Variants in HORMAD2 observed in about 807,000 individuals in gnomAD.
The protein encoded by HORMAD2 is HORMA domain containing 2, also known as HORMA domain-containing protein 2.
HORMAD2 carries 45 observed loss-of-function variants against 38.8 expected under a neutral mutation model. The observed-to-expected ratio is 1.16, with a 90% CI of 0.91 to 1.49. HORMAD2 has a LOEUF of 1.49. Among genes scored for constraint, HORMAD2 ranks in the 40% most tolerant of loss-of-function variants. The pLI, the probability that HORMAD2 is intolerant of heterozygous loss-of-function variation, is 0.00. For missense variants in HORMAD2, 338 were observed against 367.0 expected (o/e 0.92, Z 0.65); for synonymous variants, 126 against 122.8 (o/e 1.03, Z -0.17).
chr22:30,131,891 T>C (rs986066976), intron 10 of HORMAD2, among the ~76,000 whole-genome samples: 2 of 152,262 alleles, frequency 1.3e-5, no homozygotes, highest in Non-Finnish European at 2.9e-5. Context: ...GCTCATTTCT[T>C]TTGTGCCAAC....
chr22:30,187,455 GA>G, the HORMAD2 span, among the ~76,000 whole-genome samples: 2 of 151,346 alleles, frequency 1.3e-5, no homozygotes, highest in African/African-American at 4.9e-5. Flanking sequence ...GCACAAAGAA[GA>G]AAAAAATTAC....
intron 1 of HORMAD2, among the ~76,000 whole-genome samples, chr22:30,089,453 C>T (rs1356278766): frequency 6.6e-6 from 1 of 151,408 alleles, no homozygotes; most frequent in Non-Finnish European, 1.5e-5. Flanking sequence ...CCCGGGTTCA[C>T]GCCGTTCTCC....
chr22:30,194,103 T>C, the HORMAD2 span, among the ~76,000 whole-genome samples: 1 of 152,158 alleles, frequency 6.6e-6, no homozygotes, highest in African/African-American at 2.4e-5. Context: ...AGAAAAAAGA[T>C]TCTATATTCT....
chr22:30,156,614 T>C (rs1569114311), intron 10 of HORMAD2, among the ~76,000 whole-genome samples: 1 of 152,234 alleles, frequency 6.6e-6, no homozygotes, highest in Non-Finnish European at 1.5e-5. Flanking sequence ...TGGATCAAAA[T>C]TAATTGTATC....
intron 2 of HORMAD2, among the ~76,000 whole-genome samples, chr22:30,095,669 G>A (rs2068769139): frequency 6.6e-6 from 1 of 152,128 alleles, no homozygotes; most frequent in Non-Finnish European, 1.5e-5. Context: ...TACCTAGAAT[G>A]TAGTAAGATT....
intron 4 of HORMAD2, 92 bp downstream of exon 4, chr22:30,103,592 T>TA: frequency 5.1e-6 from 3 of 585,906 alleles, no homozygotes; most frequent in Non-Finnish European, 9.0e-6. Flanking sequence ...GATCATTTTT[T>TA]AAAAAACCAT....
intron 10 of HORMAD2, among the ~76,000 whole-genome samples, chr22:30,174,118 G>A (rs763198058): frequency 2.6e-5 from 4 of 152,134 alleles, no homozygotes; most frequent in East Asian, 1.9e-4. Flanking sequence ...TCATAGTAGC[G>A]TCTTGTTAGT....
intron 2 of HORMAD2, among the ~76,000 whole-genome samples, chr22:30,094,404 A>T (rs1008789318): frequency 1.3e-5 from 2 of 152,196 alleles, no homozygotes; most frequent in African/African-American, 4.8e-5. Context: ...GGATGCTAGG[A>T]GGTCTAGGGG....
chr22:30,172,282 T>C (rs2123740604), intron 10 of HORMAD2, among the ~76,000 whole-genome samples: 1 of 152,218 alleles, frequency 6.6e-6, no homozygotes, highest in Admixed American at 6.5e-5. Flanking sequence ...CACTGATAGG[T>C]CCCAAACACC....
chr22:30,083,105 C>T (rs2068513610), intron 1 of HORMAD2, among the ~76,000 whole-genome samples: 1 of 152,104 alleles, frequency 6.6e-6, no homozygotes, highest in South Asian at 2.1e-4. Context: ...CTCATCTCTA[C>T]CAAAAATAAA....
At chr22:30,130,307 G>T (rs551048074) in intron 10 of HORMAD2, among the ~76,000 whole-genome samples, 14 of 152,238 alleles carry the variant, frequency 9.2e-5, no homozygotes, top group African/African-American at 3.4e-4. Flanking sequence ...TTTCTGGTGT[G>T]ATTCTTAAGA....
chr22:30,102,674 G>C (rs894445891), intron 3 of HORMAD2, among the ~76,000 whole-genome samples: 1 of 152,182 alleles, frequency 6.6e-6, no homozygotes, highest in African/African-American at 2.4e-5. Flanking sequence ...GTCCGGGCTG[G>C]AGTGTGGCGG....
chr22:30,108,099 C>T (rs905325159), intron 5 of HORMAD2, among the ~76,000 whole-genome samples: 1 of 151,842 alleles, frequency 6.6e-6, no homozygotes, highest in Non-Finnish European at 1.5e-5. Context: ...TTATTTTGTA[C>T]TTTATATTAT....
intron 10 of HORMAD2, among the ~76,000 whole-genome samples, chr22:30,160,687 A>T (rs1475280669): frequency 6.6e-6 from 1 of 152,216 alleles, no homozygotes; most frequent in African/African-American, 2.4e-5. Flanking sequence ...ATGTAAATGT[A>T]TTAGCTATTG....
chr22:30,201,436 C>G, the HORMAD2 span, among the ~76,000 whole-genome samples: 2 of 117,746 alleles, frequency 1.7e-5, no homozygotes, highest in Non-Finnish European at 3.3e-5. Flanking sequence ...TTTTTTTTTC[C>G]AAGACGGATT....
At chr22:30,122,461 T>C (rs564749081) in intron 10 of HORMAD2, among the ~76,000 whole-genome samples, 25 of 152,202 alleles carry the variant, frequency 1.6e-4, no homozygotes, top group Admixed American at 9.2e-4. Context: ...ATTAAAGATA[T>C]CATAAATTTA....
At chr22:30,114,825 G>A (rs1921923777) in intron 7 of HORMAD2, among the ~76,000 whole-genome samples, 1 of 152,174 alleles carries the variant, frequency 6.6e-6, no homozygotes, top group African/African-American at 2.4e-5. Flanking sequence ...TGTGCTATAA[G>A]TTTTGTTCTG....
chr22:30,207,025 C>T, the HORMAD2 span: 1 of 469,108 alleles, frequency 2.1e-6, no homozygotes, highest in Non-Finnish European at 4.4e-6. Context: ...CTCCACCCGT[C>T]CCCTCGTGTC....
At chr22:30,111,030 C>G (rs146995062) in intron 5 of HORMAD2, among the ~76,000 whole-genome samples, 11,785 of 151,246 alleles carry the variant, frequency 0.078, 539 homozygotes, top group African/African-American at 0.092. Flanking sequence ...GTGGTGCATG[C>G]GTGTAATCCC....
Sources: allele counts gnomAD v4.1 joint callset (sites outside exome capture counted in the v4.1 genomes callset), GRCh38; gene constraint gnomAD v4.1.1; transcripts MANE v1.5; gene names NCBI Gene and HGNC (gene_info 2026-07-23, HGNC 2026-07-21).